Variants in DMXL2 observed in about 807,000 individuals in gnomAD.
DMXL2 encodes the protein Dmx like 2, also known as dmX-like protein 2.
A neutral mutation model predicts 331.1 loss-of-function variants in DMXL2; 103 were observed. That is an observed-to-expected ratio of 0.31 (90% CI 0.27 to 0.37). DMXL2 has a LOEUF of 0.37. Ranked by LOEUF, DMXL2 falls within the 10% of genes least tolerant of loss-of-function variation. The pLI is 1.00. For synonymous variants in DMXL2, 1,281 were observed against 1,252.1 expected (o/e 1.02, Z -0.49); for missense variants, 3,171 against 3,642.9 (o/e 0.87, Z 3.33).
intron 16 of DMXL2, 92 bp from the exon 17 acceptor site, chr15:51,503,125 T>G (rs974552483): frequency 1.1e-6 from 1 of 926,836 alleles, no homozygotes; most frequent in Non-Finnish European, 1.6e-6. Flanking sequence ...TTAAGAAACA[T>G]AGCTTCTTAA....
At chr15:51,521,037 A>G (rs2047330139) in intron 13 of DMXL2, among the ~76,000 whole-genome samples, 1 of 152,192 alleles carries the variant, frequency 6.6e-6, no homozygotes, top group South Asian at 2.1e-4. Flanking sequence ...TTATTTTTAT[A>G]AAAACATTCA....
intron 6 of DMXL2, among the ~76,000 whole-genome samples, chr15:51,548,233 C>T (rs1798431010): frequency 1.3e-5 from 2 of 152,054 alleles, no homozygotes; most frequent in South Asian, 4.1e-4. Context: ...TAAATGTTAT[C>T]GCTTATGCAA....
chr15:51,476,547 C>T, intron 27 of DMXL2, 42 bp downstream of exon 27: 2 of 1,586,480 alleles, frequency 1.3e-6, no homozygotes, highest in Middle Eastern at 1.7e-4. Flanking sequence ...GAAGAAATTG[C>T]CAACTAGAAG....
chr15:51,477,628 T>TA (rs2041692865), intron 26 of DMXL2, among the ~76,000 whole-genome samples: 1 of 152,118 alleles, frequency 6.6e-6, no homozygotes, highest in Non-Finnish European at 1.5e-5. Flanking sequence ...AATGTGAATC[T>TA]ACTATTATAA....
At chr15:51,583,081 G>A (rs949044079) in intron 1 of DMXL2, among the ~76,000 whole-genome samples, 1 of 144,964 alleles carries the variant, frequency 6.9e-6, no homozygotes, top group East Asian at 2.0e-4. Flanking sequence ...TTCTACATCA[G>A]CACAGAGGAA....
intron 1 of DMXL2, among the ~76,000 whole-genome samples, chr15:51,582,044 C>G (rs2051462848): frequency 6.6e-6 from 1 of 152,080 alleles, no homozygotes. Context: ...AATATGTCTA[C>G]TTTTCTACTG....
At chr15:51,529,180 C>A (rs2140819537) in intron 13 of DMXL2, among the ~76,000 whole-genome samples, 1 of 152,024 alleles carries the variant, frequency 6.6e-6, no homozygotes, top group East Asian at 1.9e-4. Context: ...AAATAAACAA[C>A]CTAACGATGA....
At position 51,480,723 on chromosome 15, in the gene DMXL2, T is replaced by G; in HGVS notation, c.6383A>C (p.Gln2128Pro). The G allele has an allele frequency of 6.2e-7, 1 of 1,607,010 alleles. No homozygotes were observed. Residue 2128 changes from glutamine to proline, a missense_variant, in exon 24 of 44, where the codon CAA becomes CCA. By Grantham distance (76) the Gln-to-Pro change is moderately conservative (BLOSUM62 -1). This residue lies in a region of DMXL2 where 197 missense variants were observed against 196.2 expected (regional missense o/e 1.00). Coordinates refer to ENST00000560891, the MANE Select transcript of DMXL2 (RefSeq NM_001378457.1). ...GGCCTGCAATCTTCTTCTTTCTATT[T>G]GATGGCGCTCATAGGAACCAATATC... ...KPDIGSYERH[Q>P]IERRRLQAKR...
intron 29 of DMXL2, among the ~76,000 whole-genome samples, chr15:51,467,476 A>T (rs2040689427): frequency 6.6e-6 from 1 of 152,208 alleles, no homozygotes; most frequent in Non-Finnish European, 1.5e-5. Context: ...GAATATGAAC[A>T]GTCAATACCT....
chr15:51,553,366 C>A (rs1012209028), intron 6 of DMXL2, among the ~76,000 whole-genome samples: 8 of 152,042 alleles, frequency 5.3e-5, no homozygotes, highest in Non-Finnish European at 1.2e-4. Context: ...ATCAATTTTA[C>A]GTATATAAAG....
At chr15:51,619,771 G>C (rs1216501325) in intron 1 of DMXL2, among the ~76,000 whole-genome samples, 1 of 152,174 alleles carries the variant, frequency 6.6e-6, no homozygotes, top group Non-Finnish European at 1.5e-5. Flanking sequence ...TTAGTTGCAA[G>C]ACAGTAGTTC....
At chr15:51,541,837 G>A (rs1173140105) in intron 9 of DMXL2, among the ~76,000 whole-genome samples, 1 of 151,998 alleles carries the variant, frequency 6.6e-6, no homozygotes, top group Non-Finnish European at 1.5e-5. Context: ...CAGTCACATA[G>A]GGGAAAAAGG....
At chr15:51,592,092 A>G (rs544369152) in intron 1 of DMXL2, among the ~76,000 whole-genome samples, 1 of 152,290 alleles carries the variant, frequency 6.6e-6, no homozygotes, top group East Asian at 1.9e-4. Flanking sequence ...CTGAGAGAAG[A>G]AGGCTTCAGA....
At position 51,521,461 on chromosome 15, in the gene DMXL2, AGTG is replaced by A. The variant is rs139825400; in HGVS notation, c.2437-4297_2437-4295del. ...TAGTAGTAGTAGTAGTAGTAGTAGT[AGTG>A]GTAGTGGTAGTAGTAGTAGTAGTAG... On this transcript the variant is annotated intron_variant, in intron 13 of 43. Transcript: ENST00000560891. Among the ~76,000 whole-genome samples, 858 of 111,684 alleles carry A rather than the reference AGTG, an allele frequency of 7.7e-3. 10 individuals are homozygous for A. Among genetic ancestry groups the A allele is most frequent in the African/African-American group, 0.024 (755 of 32,076 alleles). 73.3% of individuals were successfully genotyped at this position (111,684 alleles called of 152,430 possible).
At chr15:51,519,636 GTT>G (rs61062444) in intron 13 of DMXL2, among the ~76,000 whole-genome samples, 2 of 84,900 alleles carry the variant, frequency 2.4e-5, no homozygotes, top group Non-Finnish European at 4.8e-5. Flanking sequence ...AAAGTCTCTT[GTT>G]TTTTTTTTTT....
intron 29 of DMXL2, among the ~76,000 whole-genome samples, chr15:51,470,215 C>CA (rs1233350751): frequency 6.6e-6 from 1 of 151,730 alleles, no homozygotes; most frequent in Non-Finnish European, 1.5e-5. Flanking sequence ...GGCTCACTGC[C>CA]ACGCTGACCT....
rs374075256 is a variant in DMXL2, at chr15:51,582,703, T to G, written c.88-6522A>C. Among the ~76,000 whole-genome samples, 4 of 152,296 alleles carry G rather than the reference T, an allele frequency of 2.6e-5. No individual in the cohort carries two copies. The East Asian group carries it at 7.7e-4, about 29-fold the overall frequency. On this transcript the variant is annotated intron_variant, in intron 1 of 43. Coordinates refer to ENST00000560891, the MANE Select transcript of DMXL2 (RefSeq NM_001378457.1). ...TAGGTTTCCTTAATACGTTCCTGAT[T>G]AAGCAAGAAATTTCACAAGTCACAT...
At chr15:51,602,692 T>C (rs1327734705) in intron 1 of DMXL2, among the ~76,000 whole-genome samples, 1 of 152,172 alleles carries the variant, frequency 6.6e-6, no homozygotes, top group Non-Finnish European at 1.5e-5. Context: ...CAGTGGCACA[T>C]CACAGGATAG....
intron 20 of DMXL2, 62 bp from the exon 21 acceptor site, chr15:51,488,707 A>T: frequency 7.1e-7 from 1 of 1,408,518 alleles, no homozygotes; most frequent in Admixed American, 1.9e-5. Context: ...CAATTAATCA[A>T]CAATAATGTT....
Sources: gnomAD v4.1 joint callset for allele counts (sites outside exome capture counted in the v4.1 genomes callset) on GRCh38, gnomAD v4.1.1 for gene constraint, gnomAD v4.1.1 regional missense constraint, MANE v1.5 for transcripts, NCBI Gene and HGNC (gene_info 2026-07-23, HGNC 2026-07-21) for gene names.